Variants in ATP8A2 observed in about 807,000 individuals in gnomAD.
ATP8A2 encodes the protein ATPase phospholipid transporting 8A2.
Under a neutral mutation model 165.6 loss-of-function variants are expected in ATP8A2, and 100 were observed. The ratio of observed to expected loss-of-function variants is 0.60; its 90% CI spans 0.51 to 0.71. The LOEUF is 0.71. Ranked by LOEUF, ATP8A2 falls within the 30% of genes least tolerant of loss-of-function variation. ATP8A2 has a pLI of 0.00. For missense variants in ATP8A2, 1,227 were observed against 1,479.5 expected (o/e 0.83, Z 2.80); for synonymous variants, 543 against 548.8 (o/e 0.99, Z 0.15).
intron 27 of ATP8A2, among the ~76,000 whole-genome samples, chr13:25,800,112 G>T (rs1249807202): frequency 6.6e-6 from 1 of 152,214 alleles, no homozygotes; most frequent in African/African-American, 2.4e-5. Context: ...CCTGTTAGAT[G>T]ATCTTCATTT....
intron 24 of ATP8A2, among the ~76,000 whole-genome samples, chr13:25,597,508 A>G (rs1385993226): frequency 6.6e-6 from 1 of 152,258 alleles, no homozygotes; most frequent in Non-Finnish European, 1.5e-5. Flanking sequence ...GTGGCAAGAA[A>G]TTGCAGACAG....
intron 24 of ATP8A2, among the ~76,000 whole-genome samples, chr13:25,662,010 A>C (rs1298125139): frequency 1.3e-5 from 2 of 152,266 alleles, no homozygotes; most frequent in East Asian, 3.9e-4. Context: ...AAGAATTCTG[A>C]AGTGTGATTG....
chr13:25,578,007 G>A (rs778993283), intron 20 of ATP8A2, among the ~76,000 whole-genome samples: 2 of 152,268 alleles, frequency 1.3e-5, no homozygotes, highest in South Asian at 2.1e-4. Flanking sequence ...CTTCAATTAA[G>A]CTCATCTAGG....
chr13:25,520,400 A>G (rs1469977583), intron 2 of ATP8A2, among the ~76,000 whole-genome samples: 3 of 152,096 alleles, frequency 2.0e-5, no homozygotes, highest in East Asian at 3.9e-4. Context: ...TATATGCCAC[A>G]TTTTCTTTAT....
rs540029444 is a variant in ATP8A2 at position 25,398,690 on chromosome 13, G to C, written c.76+26402G>C. ...GAAACACAAATTTGAATGAGACTTA[G>C]TCCCTGTCCTTGAGGAACTCAGGAG... On this transcript the variant is annotated intron_variant, in intron 1 of 36. Transcript: ENST00000381655. Among the ~76,000 whole-genome samples, 43 of 152,322 alleles carry C rather than the reference G, an allele frequency of 2.8e-4. 1 individual carries two copies. In the South Asian group the frequency reaches 8.3e-3, roughly 29 times the overall value.
intron 33 of ATP8A2, among the ~76,000 whole-genome samples, chr13:25,877,170 A>G (rs141459335): frequency 9.3e-4 from 142 of 152,362 alleles, no homozygotes; most frequent in African/African-American, 3.2e-3. Flanking sequence ...CTTCTGACAT[A>G]GGTCATCTTA....
At chr13:25,779,445 T>TG (rs1355151172) in intron 27 of ATP8A2, among the ~76,000 whole-genome samples, 1 of 151,658 alleles carries the variant, frequency 6.6e-6, no homozygotes, top group African/African-American at 2.4e-5. Context: ...GTGTCTGCAC[T>TG]GGGGGTGGGA....
chr13:25,513,518 C>T (rs182177715), intron 2 of ATP8A2, among the ~76,000 whole-genome samples: 16 of 150,738 alleles, frequency 1.1e-4, no homozygotes, highest in East Asian at 2.0e-4. Context: ...AGAAGATGGG[C>T]GGCCAGGAGA....
At chr13:25,431,464 T>G (rs2034609758) in intron 1 of ATP8A2, among the ~76,000 whole-genome samples, 1 of 152,086 alleles carries the variant, frequency 6.6e-6, no homozygotes, top group Non-Finnish European at 1.5e-5. Flanking sequence ...AAACAGATTT[T>G]AATTGATGAA....
At position 25,839,548 on chromosome 13, in the gene ATP8A2, T is replaced by G; in HGVS notation, c.2880T>G (p.Val960=). Reference sequence around the variant, plus strand: ...TCCCTTGGTTTGTTTTTCCTTAGGTTTTCTGGGGTCACTGCATCAACGCCT... The same window carrying G: ...TCCCTTGGTTTGTTTTTCCTTAGGTGTTCTGGGGTCACTGCATCAACGCCT... ...TQNGEGFNTK[V]FWGHCINALV... is the part of the protein sequence containing the mutation. The change falls in exon 30 of 37, where the codon GTT becomes GTG. Residue 960 remains valine, a splice_region_variant and synonymous_variant. Coordinates refer to ENST00000381655, the MANE Select transcript of ATP8A2 (RefSeq NM_016529.6). The G allele has an allele frequency of 6.2e-7, 1 of 1,613,848 alleles. No homozygotes were observed. Among genetic ancestry groups the G allele is most frequent in the Non-Finnish European group, 8.5e-7 (1 of 1,179,770 alleles).
At chr13:25,691,210 A>G (rs1443054376) in intron 24 of ATP8A2, among the ~76,000 whole-genome samples, 1 of 152,182 alleles carries the variant, frequency 6.6e-6, no homozygotes, top group African/African-American at 2.4e-5. Flanking sequence ...ACTTGTCTGC[A>G]GCATGGAAGG....
intron 2 of ATP8A2, among the ~76,000 whole-genome samples, chr13:25,523,286 T>G (rs1228075570): frequency 6.6e-6 from 1 of 151,528 alleles, no homozygotes; most frequent in African/African-American, 2.4e-5. Context: ...TTTTTTTTTT[T>G]TTTGAGTCAG....
At chr13:25,525,421 T>C (rs565710296) in intron 2 of ATP8A2, among the ~76,000 whole-genome samples, 10 of 152,300 alleles carry the variant, frequency 6.6e-5, no homozygotes, top group African/African-American at 1.9e-4. Context: ...AAATGTTTTC[T>C]ATTTGCATGT....
rs529489852 is a variant in ATP8A2, at chr13:25,606,089, A to G, written c.2211+16390A>G. On this transcript the variant is annotated intron_variant, in intron 24 of 36. Transcript: ENST00000381655. ...TAATATAAATGTTGGAAATGTGGGTATTTTCTCAGTGTTGTTTGTGGAATT... is the reference window on the plus strand; with the variant it reads ...TAATATAAATGTTGGAAATGTGGGTGTTTTCTCAGTGTTGTTTGTGGAATT... 3.3e-5 allele frequency among the ~76,000 whole-genome samples: 5 copies of G among 152,294 alleles called. No homozygotes were observed. In the South Asian group the frequency reaches 1.0e-3, roughly 32 times the overall value.
At chr13:25,791,033 G>A (rs1308145336) in intron 27 of ATP8A2, among the ~76,000 whole-genome samples, 3 of 152,224 alleles carry the variant, frequency 2.0e-5, no homozygotes, top group African/African-American at 7.2e-5. Context: ...ATTACTGGAT[G>A]GATACATACC....
At chr13:25,388,286 C>T (rs2033126160) in intron 1 of ATP8A2, among the ~76,000 whole-genome samples, 1 of 152,070 alleles carries the variant, frequency 6.6e-6, no homozygotes, top group South Asian at 2.1e-4. Context: ...CAGCACAGTT[C>T]CCAGTTCCTG....
chr13:25,697,387 C>A (rs2042856031), intron 24 of ATP8A2, among the ~76,000 whole-genome samples: 1 of 152,172 alleles, frequency 6.6e-6, no homozygotes, highest in Non-Finnish European at 1.5e-5. Context: ...TCAATTGATT[C>A]TCCTGCCTCA....
At chr13:25,577,966 G>A (rs188069215) in intron 20 of ATP8A2, among the ~76,000 whole-genome samples, 7 of 152,266 alleles carry the variant, frequency 4.6e-5, no homozygotes, top group Admixed American at 2.0e-4. Context: ...ATTTGGACTC[G>A]CTAAAGAATT....
chr13:25,694,307 C>T (rs1224752636), intron 24 of ATP8A2, among the ~76,000 whole-genome samples: 4 of 152,176 alleles, frequency 2.6e-5, no homozygotes, highest in Non-Finnish European at 4.4e-5. Flanking sequence ...CTTGGATCCA[C>T]GCATAAGTCC....
Sources: gnomAD v4.1 joint callset for allele counts (sites outside exome capture counted in the v4.1 genomes callset) on GRCh38, gnomAD v4.1.1 for gene constraint, MANE v1.5 for transcripts, NCBI Gene and HGNC (gene_info 2026-07-23, HGNC 2026-07-21) for gene names.